Variants in PXDN observed in about 807,000 individuals in gnomAD.
The protein encoded by PXDN is peroxidasin homolog.
PXDN carries 77 observed loss-of-function variants against 140.3 expected under a neutral mutation model. That is an observed-to-expected ratio of 0.55 (90% CI 0.46 to 0.66). The LOEUF is 0.66. PXDN is among the 30% of genes least tolerant of loss of function. PXDN has a pLI of 0.00. For synonymous variants in PXDN, 911 were observed against 857.4 expected, an observed-to-expected ratio of 1.06 and a Z score of -1.09; for missense variants, 1,838 against 2,039.5, an observed-to-expected ratio of 0.90 and a Z score of 1.90.
Position 1,660,407 on chromosome 2 carries a change from T to G in PXDN, c.1837+474A>C, listed in dbSNP as rs190729685. ...ACCACCGACTGGATCTATGTAAGGC[T>G]GCCTACGAGCACCTAGAGGTTCCCA... On this transcript the variant is annotated intron_variant, in intron 14 of 22. Transcript: ENST00000252804. The surrounding 1 kb of genome is among the most constrained non-coding windows in gnomAD (Gnocchi z 4.6). Among the ~76,000 whole-genome samples, 2 of 152,236 alleles carry G rather than the reference T, an allele frequency of 1.3e-5. No individual in the cohort carries two copies. Among genetic ancestry groups the G allele is most frequent in the South Asian group, 2.1e-4 (1 of 4,816 alleles).
Position 1,649,094 on chromosome 2 carries a change from A to G in PXDN, c.2686T>C (p.Ser896Pro), listed in dbSNP as rs1682939303. The change falls in exon 17 of 23, where the codon TCC (serine) becomes CCC (proline). Residue 896 changes from serine (S) to proline (P), a missense_variant. Ser to Pro is a moderately conservative substitution (Grantham distance 74). Coordinates refer to ENST00000252804, the MANE Select transcript of PXDN (RefSeq NM_012293.3). The surrounding 1 kb of genome is among the most constrained non-coding windows in gnomAD (Gnocchi z 7.1). ...TTGATCTGCTCCCGCGGGTACACGG[A>G]GTTCATGAGCAGCGAAGTCATGCCG... Reference protein sequence around the residue: ...GSGMTSLLMNSVYPREQINQL... With the variant: ...GSGMTSLLMNPVYPREQINQL... 6.2e-7 allele frequency: 1 copy of G among 1,612,508 alleles called. No individual in the cohort carries two copies. Among genetic ancestry groups the G allele is most frequent in the Admixed American group, 1.7e-5 (1 of 59,994 alleles).
At chr2:1,730,238 A>T (rs1393709017) in intron 1 of PXDN, among the ~76,000 whole-genome samples, 1 of 152,232 alleles carries the variant, frequency 6.6e-6, no homozygotes, top group African/African-American at 2.4e-5. Context: ...TATTTTAAAA[A>T]TATGTTGTAA....
intron 21 of PXDN, chr2:1,635,744 TA>T (rs1410072142): frequency 3.7e-6 from 2 of 538,436 alleles, no homozygotes; most frequent in Non-Finnish European, 6.7e-6. Flanking sequence ...TGCTGTCAAA[TA>T]AAAACCGTAG....
chr2:1,667,896 C>A (rs1203853472), intron 9 of PXDN, among the ~76,000 whole-genome samples: 4 of 152,144 alleles, frequency 2.6e-5, no homozygotes, highest in African/African-American at 7.2e-5. Context: ...TTTATAGATT[C>A]AATGCTACTC....
At chr2:1,686,810 C>G (rs2125446468) in intron 4 of PXDN, among the ~76,000 whole-genome samples, 1 of 152,340 alleles carries the variant, frequency 6.6e-6, no homozygotes, top group Middle Eastern at 3.4e-3. Flanking sequence ...CTCAAACTCT[C>G]TGACAACATC....
At position 1,673,885 on chromosome 2, in the gene PXDN, G is replaced by C. The variant is rs964592645; in HGVS notation, c.849-73C>G. On this transcript the variant is annotated intron_variant, in intron 8 of 22. Transcript: ENST00000252804. ...CGTACCTCACCCATCCCCAGCACAGGGGTTTCCAGCCCTGCAGCAGGCACA... is the reference window on the plus strand; with the variant it reads ...CGTACCTCACCCATCCCCAGCACAGCGGTTTCCAGCCCTGCAGCAGGCACA... 30 of 1,531,362 alleles carry C rather than the reference G, an allele frequency of 2.0e-5. 1 individual carries two copies. Among genetic ancestry groups the C allele is most frequent in the Non-Finnish European group, 3.6e-6 (4 of 1,111,662 alleles). 94.9% of individuals were successfully genotyped at this position (1,531,362 alleles called of 1,614,324 possible).
chr2:1,740,785 C>T lies in PXDN; in HGVS notation c.200+3471G>A, dbSNP rs1034230269. Among the ~76,000 whole-genome samples, 7 of 149,526 alleles carry T rather than the reference C, an allele frequency of 4.7e-5. No individual in the cohort carries two copies. The East Asian group carries it at 9.7e-4, about 21-fold the overall frequency. On this transcript the variant is annotated intron_variant, in intron 1 of 22. Coordinates refer to ENST00000252804, the MANE Select transcript of PXDN (RefSeq NM_012293.3). ...TGTGGGTGGCCCAACACCCAGCACA[C>T]GGCGTGGGCCTAACACCCAGCAGAT... is the stretch of plus-strand genomic sequence containing the variant.
At chr2:1,654,908 G>T (rs1683094754) in intron 14 of PXDN, among the ~76,000 whole-genome samples, 1 of 151,982 alleles carries the variant, frequency 6.6e-6, no homozygotes, top group Non-Finnish European at 1.5e-5. Context: ...AAAGGCCACA[G>T]CCTCCCTGGA....
chr2:1,697,383 A>G (rs1013747620), intron 1 of PXDN, among the ~76,000 whole-genome samples: 39 of 152,294 alleles, frequency 2.6e-4, no homozygotes, highest in African/African-American at 9.1e-4. Context: ...AAAGCTTACA[A>G]TAAATGTAAA....
chr2:1,711,171 ACT>A (rs1463841955), intron 1 of PXDN, among the ~76,000 whole-genome samples: 2 of 59,712 alleles, frequency 3.3e-5, no homozygotes. Flanking sequence ...ACCAGCACCC[ACT>A]CTCCACCAGC....
At chr2:1,693,208 G>T in intron 1 of PXDN, 74 bp from the exon 2 acceptor site, 1 of 1,234,740 alleles carries the variant, frequency 8.1e-7, no homozygotes, top group Non-Finnish European at 1.1e-6. Flanking sequence ...GCTGCTCTTA[G>T]TTTCAAAATG....
chr2:1,737,443 G>A (rs1288453403), intron 1 of PXDN, among the ~76,000 whole-genome samples: 2 of 152,174 alleles, frequency 1.3e-5, no homozygotes, highest in Non-Finnish European at 2.9e-5. Context: ...TACATTGCAT[G>A]AGTAATCATT....
intron 1 of PXDN, among the ~76,000 whole-genome samples, chr2:1,717,752 TA>T (rs1218038392): frequency 6.6e-6 from 1 of 151,848 alleles, no homozygotes; most frequent in East Asian, 1.9e-4. Flanking sequence ...GCTACTCTAC[TA>T]ACCAACTACC....
intron 1 of PXDN, among the ~76,000 whole-genome samples, chr2:1,731,864 CCTGA>C (rs901882922): frequency 6.6e-6 from 1 of 152,104 alleles, no homozygotes; most frequent in Non-Finnish European, 1.5e-5. Context: ...GCCGAATGGC[CCTGA>C]CTAAGGCAAC....
rs200682554 is a variant in PXDN at position 1,666,238 on chromosome 2, C to T, written c.1267G>A (p.Ala423Thr). 6.2e-7 allele frequency: 1 copy of T among 1,614,024 alleles called. No homozygotes were observed. Among genetic ancestry groups the T allele is most frequent in the Non-Finnish European group, 8.5e-7 (1 of 1,179,878 alleles). ...SATNNIDSVHATAFIIVQALP... is the reference protein window; with the variant it reads ...SATNNIDSVHTTAFIIVQALP... ...CCCTGGACGATGATGAAAGCGGTGGCATGGACGCTGTCAATGTTGTTGGTC... is the reference window on the plus strand; with the variant it reads ...CCCTGGACGATGATGAAAGCGGTGGTATGGACGCTGTCAATGTTGTTGGTC... The change falls in exon 10 of 23, where the codon GCC (alanine) becomes ACC (threonine). Residue 423 changes from alanine to threonine, a missense_variant. Coordinates refer to ENST00000252804, the MANE Select transcript of PXDN (RefSeq NM_012293.3).
chr2:1,657,921 G>C (rs2125419234), intron 14 of PXDN, among the ~76,000 whole-genome samples: 1 of 142,980 alleles, frequency 7.0e-6, no homozygotes, highest in East Asian at 2.1e-4. Context: ...GTCCCTTCCT[G>C]ACAGGAACCT....
rs1298326694 is a variant in PXDN at position 1,649,815 on chromosome 2, G to A, written c.2105-140C>T. On this transcript the variant is annotated intron_variant, in intron 16 of 22. Transcript: ENST00000252804. This position sits in a 1 kb window ranked among gnomAD's most constrained non-coding sequence, Gnocchi z 7.1. ...ACCTGTTGTGCGCCATGCAACAAGC[G>A]CTTCCTGCTGGAAACCTGCTCACCT... 13 of 980,404 alleles carry A rather than the reference G, an allele frequency of 1.3e-5. 1 individual carries two copies. Among genetic ancestry groups the A allele is most frequent in the Admixed American group, 8.3e-5 (4 of 48,300 alleles). The allele number at this position is 980,404 out of a possible 1,614,324, so 60.7% of individuals were successfully genotyped here. A position where few individuals can be genotyped will look rare whatever the true frequency, so the allele number is the denominator to read the frequency against.
intron 1 of PXDN, among the ~76,000 whole-genome samples, chr2:1,698,495 G>A (rs1467671230): frequency 6.6e-6 from 1 of 152,194 alleles, no homozygotes; most frequent in Non-Finnish European, 1.5e-5. Context: ...TGAGGGAAGG[G>A]AGGAGAGAAT....
intron 1 of PXDN, among the ~76,000 whole-genome samples, chr2:1,739,784 C>T (rs536910548): frequency 1.0e-3 from 152 of 152,302 alleles, no homozygotes; most frequent in Non-Finnish European, 1.6e-3. Context: ...CAGGCTCCCA[C>T]GCTGAGAAAA....
Sources: gnomAD v4.1 joint callset for allele counts (sites outside exome capture counted in the v4.1 genomes callset) on GRCh38, gnomAD v4.1.1 for gene constraint, Gnocchi (gnomAD v3.1) non-coding constraint, MANE v1.5 for transcripts, NCBI Gene and HGNC (gene_info 2026-07-23, HGNC 2026-07-21) for gene names.